SPRED2: variants seen among roughly 807,000 people sequenced by gnomAD.
SPRED2 encodes sprouty related EVH1 domain containing 2, also known as sprouty-related, EVH1 domain-containing protein 2.
A neutral mutation model predicts 43.0 loss-of-function variants in SPRED2; 47 were observed. The observed-to-expected ratio is 1.09, with a 90% CI of 0.87 to 1.40. The LOEUF is 1.40. SPRED2 is among the 40% of genes most tolerant of loss of function. SPRED2 has a pLI of 0.00. For missense variants in SPRED2, 561 were observed against 586.4 expected, an observed-to-expected ratio of 0.96 and a Z score of 0.45; for synonymous variants, 225 against 225.7, an observed-to-expected ratio of 1.00 and a Z score of 0.03.
intron 1 of SPRED2, among the ~76,000 whole-genome samples, chr2:65,376,904 C>T (rs1490006330): frequency 2.0e-5 from 3 of 152,032 alleles, no homozygotes; most frequent in East Asian, 1.9e-4. Flanking sequence ...TTAGTAGAGA[C>T]GGGGTTTCAC....
chr2:65,415,392 T>C (rs1277701336), intron 1 of SPRED2, among the ~76,000 whole-genome samples: 2 of 152,216 alleles, frequency 1.3e-5, no homozygotes, highest in African/African-American at 4.8e-5. Context: ...CATATGATTT[T>C]ATAGCTCTGC....
chr2:65,422,104 A>ACACACACACTCTCTCTCTCT (rs1299857849), intron 1 of SPRED2, among the ~76,000 whole-genome samples: 25 of 129,026 alleles, frequency 1.9e-4, no homozygotes, highest in Non-Finnish European at 3.5e-4. Flanking sequence ...ACACACACAC[A>ACACACACACTCTCTCTCTCT]CTCTCTCTCT....
At chr2:65,410,417 A>T (rs947895406) in intron 1 of SPRED2, among the ~76,000 whole-genome samples, 1 of 152,082 alleles carries the variant, frequency 6.6e-6, no homozygotes, top group Non-Finnish European at 1.5e-5. Context: ...TCCTTTTAAA[A>T]TCACTATTTA....
In SPRED2 at chr2:65,313,841, C is replaced by A. The variant is rs532860603; in HGVS notation, c.917G>T (p.Arg306Leu). The change falls in exon 6 of 6, where the codon CGC (arginine) becomes CTC (leucine). Residue 306 changes from arginine (R) to leucine (L), a missense_variant. Arg to Leu is a moderately radical substitution (Grantham distance 102). Transcript: ENST00000356388. ...GTCCCTGCAGTACACGCACCGCGAG[C>A]GCTCTCCGTCCTCCTTCCGCCGCCG... ...KSRRRKEDGERSRCVYCRDMF... is the reference protein window; with the variant it reads ...KSRRRKEDGELSRCVYCRDMF... 6 of 1,612,128 alleles carry A rather than the reference C, an allele frequency of 3.7e-6. No homozygotes were observed. The highest frequency in any genetic ancestry group is 4.2e-6 in the Non-Finnish European group (5 of 1,179,982).
chr2:65,353,154 G>C (rs1442171303), intron 1 of SPRED2, among the ~76,000 whole-genome samples: 1 of 152,114 alleles, frequency 6.6e-6, no homozygotes, highest in Admixed American at 6.5e-5. Context: ...AGCCTCAGAG[G>C]GGGTATAAAT....
At chr2:65,396,491 G>A (rs954421461) in intron 1 of SPRED2, among the ~76,000 whole-genome samples, 2 of 152,154 alleles carry the variant, frequency 1.3e-5, no homozygotes, top group African/African-American at 2.4e-5. Context: ...TTCTCCACAC[G>A]GTCCTGCATA....
At position 65,424,766 on chromosome 2, in the gene SPRED2, CG is replaced by C. The variant is rs1027156660; in HGVS notation, c.26+7195del. On this transcript the variant is annotated intron_variant, in intron 1 of 5. Coordinates refer to ENST00000356388, the MANE Select transcript of SPRED2 (RefSeq NM_181784.3). ...AGGAGCTGAAGGCCATCCTGGGCAACGTTAAGAAGACCTCACCTCTACTAAA... is the reference window on the plus strand; with the variant it reads ...AGGAGCTGAAGGCCATCCTGGGCAACTTAAGAAGACCTCACCTCTACTAAA... 1.1e-3 allele frequency among the ~76,000 whole-genome samples: 78 copies of C among 68,408 alleles called. No homozygotes were observed. In the African/African-American group the frequency reaches 0.013, roughly 12 times the overall value. 44.9% of individuals were successfully genotyped at this position (68,408 alleles called of 152,430 possible).
chr2:65,351,260 G>A (rs776614298), intron 1 of SPRED2, among the ~76,000 whole-genome samples: 1 of 152,104 alleles, frequency 6.6e-6, no homozygotes, highest in Non-Finnish European at 1.5e-5. Context: ...AGGTTTAGTC[G>A]TCCACTGCAG....
At chr2:65,371,254 C>T (rs557078462) in intron 1 of SPRED2, among the ~76,000 whole-genome samples, 2 of 152,220 alleles carry the variant, frequency 1.3e-5, no homozygotes, top group Admixed American at 1.3e-4. Context: ...ATGGATAATG[C>T]AGTTGAAGGA....
At chr2:65,431,516 C>A (rs932911271) in intron 1 of SPRED2, among the ~76,000 whole-genome samples, 5 of 152,252 alleles carry the variant, frequency 3.3e-5, no homozygotes, top group African/African-American at 1.2e-4. Flanking sequence ...ATGGCGGAGC[C>A]TAGGCCCCAG....
At chr2:65,376,994 G>T (rs537687032) in intron 1 of SPRED2, among the ~76,000 whole-genome samples, 8 of 152,134 alleles carry the variant, frequency 5.3e-5, no homozygotes, top group Admixed American at 4.6e-4. Flanking sequence ...GATTACAGGC[G>T]TGAGCCACCA....
intron 2 of SPRED2, among the ~76,000 whole-genome samples, chr2:65,343,173 A>G (rs1553675): frequency 0.27 from 40,977 of 152,188 alleles, 6,877 homozygotes; most frequent in East Asian, 0.7. Flanking sequence ...TACTTAGTAC[A>G]TGGTAAATGC....
At chr2:65,341,104 CGTGTGTGTGTGTGT>C (rs60332643) in intron 2 of SPRED2, among the ~76,000 whole-genome samples, 3 of 137,064 alleles carry the variant, frequency 2.2e-5, no homozygotes, top group Admixed American at 7.4e-5. Flanking sequence ...TGGGTACGGG[CGTGTGTGTGTGTGT>C]GTGTGTGTGT....
At chr2:65,350,798 G>A (rs1674487265) in intron 1 of SPRED2, among the ~76,000 whole-genome samples, 1 of 152,206 alleles carries the variant, frequency 6.6e-6, no homozygotes, top group African/African-American at 2.4e-5. Context: ...CCCCGTCTGG[G>A]CCACGTTACA....
At chr2:65,425,541 G>C (rs939622351) in intron 1 of SPRED2, among the ~76,000 whole-genome samples, 4 of 152,184 alleles carry the variant, frequency 2.6e-5, no homozygotes, top group African/African-American at 7.2e-5. Context: ...TGAAACAATT[G>C]TTACTTAATT....
At chr2:65,360,063 TCAAAAAAAAAAAAAA>T (rs1674759536) in intron 1 of SPRED2, among the ~76,000 whole-genome samples, 1 of 51,304 alleles carries the variant, frequency 1.9e-5, no homozygotes, top group Non-Finnish European at 3.4e-5. Flanking sequence ...AGACTCCATC[TCAAAAAAAAAAAAAA>T]CAAAAAAAAA....
intron 1 of SPRED2, among the ~76,000 whole-genome samples, chr2:65,371,191 T>TC: frequency 1.4e-5 from 1 of 73,796 alleles, no homozygotes; most frequent in Non-Finnish European, 3.5e-5. Flanking sequence ...ATACTGAATA[T>TC]TTTTTTTGGC....
chr2:65,384,048 C>T (rs761925106), intron 1 of SPRED2, among the ~76,000 whole-genome samples: 3 of 152,166 alleles, frequency 2.0e-5, no homozygotes, highest in Non-Finnish European at 4.4e-5. Context: ...TGCCTCGCTG[C>T]CACTGGCTGA....
chr2:65,411,132 A>C (rs1353428990), intron 1 of SPRED2, among the ~76,000 whole-genome samples: 2 of 152,216 alleles, frequency 1.3e-5, no homozygotes, highest in Non-Finnish European at 2.9e-5. Context: ...TTAAAAGAAA[A>C]AAAGTTTGCT....
Sources: gnomAD v4.1 joint callset for allele counts (sites outside exome capture counted in the v4.1 genomes callset) on GRCh38, gnomAD v4.1.1 for gene constraint, MANE v1.5 for transcripts, NCBI Gene and HGNC (gene_info 2026-07-23, HGNC 2026-07-21) for gene names.